Variants in TBC1D21 observed in about 807,000 individuals in gnomAD.
TBC1D21 encodes TBC1 domain family member 21.
TBC1D21 carries 38 observed loss-of-function variants against 46.0 expected under a neutral mutation model. That is an observed-to-expected ratio of 0.83 (90% CI 0.64 to 1.08). The LOEUF (loss-of-function observed/expected upper bound fraction) is 1.08. TBC1D21 is among the 50% of genes least tolerant of loss of function. The pLI is 0.00. For missense variants in TBC1D21, 415 were observed against 417.9 expected (o/e 0.99, Z 0.06); for synonymous variants, 151 against 157.2 (o/e 0.96, Z 0.29).
intron 9 of TBC1D21, 67 bp from the exon 10 acceptor site, chr15:73,888,363 G>A: frequency 7.3e-7 from 1 of 1,369,638 alleles, no homozygotes; most frequent in Middle Eastern, 1.9e-4. Context: ...GCAGCTGCAT[G>A]TGCCCAAGAG....
intron 8 of TBC1D21, 98 bp from the exon 9 acceptor site, chr15:73,887,522 G>A (rs2068268861): frequency 3.1e-6 from 3 of 959,146 alleles, no homozygotes; most frequent in Non-Finnish European, 5.0e-6. Context: ...GCCCAGGAAT[G>A]GCTGACTCCA....
intron 1 of TBC1D21, among the ~76,000 whole-genome samples, chr15:73,875,494 A>T (rs912031430): frequency 6.6e-6 from 1 of 152,122 alleles, no homozygotes; most frequent in Admixed American, 6.5e-5. Flanking sequence ...TATGGGAGAA[A>T]ACCCCTAACC....
downstream of TBC1D21, among the ~76,000 whole-genome samples, chr15:73,890,440 ATAC>A (rs1042551381): frequency 2.6e-5 from 4 of 152,228 alleles, no homozygotes; most frequent in Non-Finnish European, 1.5e-5. Context: ...GTCAATTCAT[ATAC>A]TACACTTCTC....
chr15:73,886,519 G>C lies in TBC1D21; in HGVS notation c.684G>C (p.Lys228Asn), dbSNP rs748814829. 6.2e-7 allele frequency: 1 copy of C among 1,613,580 alleles called. No homozygotes were observed. The highest frequency in any genetic ancestry group is 1.1e-5 in the South Asian group (1 of 91,050). The change falls in exon 8 of 11, where the codon AAG (lysine) becomes AAC (asparagine). Residue 228 changes from lysine to asparagine, a missense_variant. Coordinates refer to ENST00000300504, the MANE Select transcript of TBC1D21 (RefSeq NM_153356.3). ...CACCTTCTCTCCCCACAGAAGGGAAGGGTGCAGGGGCTGTGCAGTCCCTCT... is the reference window on the plus strand; with the variant it reads ...CACCTTCTCTCCCCACAGAAGGGAACGGTGCAGGGGCTGTGCAGTCCCTCT... The part of the protein sequence containing the change: ...DPVFAEHLKG[K>N]GAGAVQSLFP...
intron 1 of TBC1D21, among the ~76,000 whole-genome samples, chr15:73,875,694 G>C (rs1264043314): frequency 6.6e-6 from 1 of 152,164 alleles, no homozygotes; most frequent in Non-Finnish European, 1.5e-5. Context: ...GAAGGTGGGA[G>C]ATTTCCATAG....
intron 1 of TBC1D21, among the ~76,000 whole-genome samples, 162 bp from the exon 2 acceptor site, chr15:73,881,237 T>C (rs2068148154): frequency 1.3e-5 from 2 of 152,234 alleles, no homozygotes; most frequent in African/African-American, 4.8e-5. Context: ...CATACAGGAT[T>C]TTTTCTATAT....
chr15:73,890,206 C>G (rs889671376), downstream of TBC1D21, among the ~76,000 whole-genome samples: 1 of 152,202 alleles, frequency 6.6e-6, no homozygotes, highest in Non-Finnish European at 1.5e-5. Flanking sequence ...CATCCTGGCA[C>G]TCTTAGTGAC....
chr15:73,904,543 G>A, the TBC1D21 span, among the ~76,000 whole-genome samples: 18 of 152,110 alleles, frequency 1.2e-4, no homozygotes, highest in Admixed American at 7.9e-4. Flanking sequence ...CTCCCCTCCC[G>A]CCATGTGCCA....
chr15:73,884,026 AG>A (rs1341188840), intron 3 of TBC1D21, 124 bp from the exon 4 acceptor site: 3 of 764,882 alleles, frequency 3.9e-6, no homozygotes, highest in Non-Finnish European at 7.0e-6. Context: ...CATCACAGGT[AG>A]GGTGCATGGC....
At position 73,873,670 on chromosome 15, in the gene TBC1D21, T is replaced by A. The variant is rs746968384; in HGVS notation, c.-40T>A. The A allele has an allele frequency of 3.2e-6, 5 of 1,581,484 alleles. No individual in the cohort carries two copies. The East Asian group carries it at 1.2e-4, about 37-fold the overall frequency. On this transcript the variant is annotated 5_prime_UTR_variant, in exon 1 of 11. Coordinates refer to ENST00000300504, the MANE Select transcript of TBC1D21 (RefSeq NM_153356.3). Reference sequence around the variant, plus strand: ...GATTAAGCATCACTAGGGCTCCAAGTGAGTTCTGATCAGAGGCTGTTCGGA... The same window carrying A: ...GATTAAGCATCACTAGGGCTCCAAGAGAGTTCTGATCAGAGGCTGTTCGGA...
At chr15:73,874,361 T>C (rs1038209114) in intron 1 of TBC1D21, among the ~76,000 whole-genome samples, 1 of 152,250 alleles carries the variant, frequency 6.6e-6, no homozygotes, top group East Asian at 1.9e-4. Context: ...GGCCTTGCTT[T>C]AAATTTTCTT....
At chr15:73,906,310 G>A in the TBC1D21 span, among the ~76,000 whole-genome samples, 1 of 152,288 alleles carries the variant, frequency 6.6e-6, no homozygotes, top group Admixed American at 6.5e-5. Context: ...GTGGGAGGAG[G>A]TCGGGGAGAG....
chr15:73,902,225 A>G, the TBC1D21 span, among the ~76,000 whole-genome samples: 1 of 152,164 alleles, frequency 6.6e-6, no homozygotes, highest in African/African-American at 2.4e-5. Context: ...ACACCGAAGA[A>G]CCTAACCAAA....
At chr15:73,896,321 G>A in the TBC1D21 span, among the ~76,000 whole-genome samples, 2 of 68,980 alleles carry the variant, frequency 2.9e-5, no homozygotes, top group Non-Finnish European at 4.1e-5. Context: ...AAGTCATGGC[G>A]AGGAGGAAAA....
chr15:73,905,417 G>A, the TBC1D21 span, among the ~76,000 whole-genome samples: 63 of 152,274 alleles, frequency 4.1e-4, no homozygotes, highest in Middle Eastern at 3.4e-3. Context: ...GGGATGTGCC[G>A]ACTCAGCAGT....
chr15:73,903,996 T>A, the TBC1D21 span, among the ~76,000 whole-genome samples: 1 of 152,144 alleles, frequency 6.6e-6, no homozygotes, highest in African/African-American at 2.4e-5. Context: ...TGCAGTGAGC[T>A]GAGATCACGC....
chr15:73,890,131 G>C (rs1427622945), downstream of TBC1D21, among the ~76,000 whole-genome samples: 1 of 152,186 alleles, frequency 6.6e-6, no homozygotes, highest in African/African-American at 2.4e-5. Context: ...GCTGTGAACT[G>C]GTCCTTAGAG....
At position 73,887,690 on chromosome 15, in the gene TBC1D21, G is replaced by T; in HGVS notation, c.848G>T (p.Arg283Leu). Reference sequence around the variant, plus strand: ...GCCTACAGCATGCTGCAGATGGTGCGGGAGCAGGTGCTGCAGGAAAGCATG... The same window carrying T: ...GCCTACAGCATGCTGCAGATGGTGCTGGAGCAGGTGCTGCAGGAAAGCATG... ...LVAYSMLQMVREQVLQESMGG... is the reference protein window; with the variant it reads ...LVAYSMLQMVLEQVLQESMGG... Residue 283 changes from arginine to leucine, a missense_variant, in exon 9 of 11, where the codon CGG becomes CTG. Physicochemically the swap from Arg to Leu is moderately radical, Grantham distance 102. Transcript: ENST00000300504. The T allele has an allele frequency of 6.2e-7, 1 of 1,613,966 alleles. No homozygotes were observed. The highest frequency in any genetic ancestry group is 1.1e-5 in the South Asian group (1 of 91,072).
downstream of TBC1D21, among the ~76,000 whole-genome samples, chr15:73,890,973 G>A (rs1406069080): frequency 6.6e-6 from 1 of 152,124 alleles, no homozygotes; most frequent in African/African-American, 2.4e-5. Flanking sequence ...TAGGTCTTAA[G>A]GACGAGGTGG....
Sources: allele counts gnomAD v4.1 joint callset (sites outside exome capture counted in the v4.1 genomes callset), GRCh38; gene constraint gnomAD v4.1.1; transcripts MANE v1.5; gene names NCBI Gene and HGNC (gene_info 2026-07-23, HGNC 2026-07-21).